FNBP1L: variants seen among roughly 807,000 people sequenced by gnomAD.
FNBP1L encodes formin-binding protein 1-like.
A neutral mutation model predicts 91.2 loss-of-function variants in FNBP1L; 36 were observed. That is an observed-to-expected ratio of 0.39 (90% CI 0.30 to 0.52). The LOEUF is 0.52. Among genes scored for constraint, FNBP1L ranks in the 20% least tolerant of loss-of-function variants. FNBP1L has a pLI of 0.66. For missense variants in FNBP1L, 571 were observed against 732.1 expected, an observed-to-expected ratio of 0.78 and a Z score of 2.54; for synonymous variants, 242 against 237.0, an observed-to-expected ratio of 1.02 and a Z score of -0.19.
chr1:93,536,400 C>G lies in FNBP1L; in HGVS notation c.1059C>G (p.Leu353=), dbSNP rs1570861907. The change falls in exon 10 of 17, where the codon CTC becomes CTG. Residue 353 remains leucine, a synonymous_variant. Transcript: ENST00000271234. ...GTACTCCTAATGGGTCCCAGTTTCT[C>G]ACATTCTCCATTGAGCCCGTGCATT... The part of the protein sequence containing the change: ...TSSTPNGSQF[L]TFSIEPVHYC... The G allele has an allele frequency of 6.4e-7, 1 of 1,550,924 alleles. No individual in the cohort carries two copies. The highest frequency in any genetic ancestry group is 8.7e-7 in the Non-Finnish European group (1 of 1,146,424).
chr1:93,523,148 T>C (rs1181602031), intron 3 of FNBP1L, among the ~76,000 whole-genome samples, 196 bp from the exon 4 acceptor site: 4 of 152,206 alleles, frequency 2.6e-5, no homozygotes. Context: ...AATGAAAGAC[T>C]ACTTGAAGAT....
At chr1:93,543,998 T>A in intron 11 of FNBP1L, 109 bp from the exon 12 acceptor site, 3 of 725,666 alleles carry the variant, frequency 4.1e-6, no homozygotes, top group Admixed American at 3.7e-5. Flanking sequence ...TTGAGGCAAA[T>A]TTGAAATTAA....
chr1:93,531,305 TATC>T (rs1004067626), intron 7 of FNBP1L, among the ~76,000 whole-genome samples: 3 of 152,238 alleles, frequency 2.0e-5, no homozygotes, highest in African/African-American at 7.2e-5. Flanking sequence ...TTTGCCTGCT[TATC>T]ATGCTGGCTC....
chr1:93,478,190 G>C (rs1022834627), intron 1 of FNBP1L, among the ~76,000 whole-genome samples: 1 of 152,168 alleles, frequency 6.6e-6, no homozygotes, highest in African/African-American at 2.4e-5. Context: ...TTGAAGTGAG[G>C]CTCAGCATGG....
chr1:93,456,793 C>T (rs989511726), intron 1 of FNBP1L, among the ~76,000 whole-genome samples: 4 of 151,184 alleles, frequency 2.6e-5, no homozygotes, highest in Non-Finnish European at 4.4e-5. Flanking sequence ...AAAAAAAAAT[C>T]GTTGCTTTTG....
chr1:93,448,222 G>A lies in FNBP1L; in HGVS notation c.-60G>A, dbSNP rs1668334601. The A allele has an allele frequency of 6.6e-7, 1 of 1,518,222 alleles. No homozygotes were observed. The highest frequency in any genetic ancestry group is 8.8e-7 in the Non-Finnish European group (1 of 1,132,626). 94.0% of individuals were successfully genotyped at this position (1,518,222 alleles called of 1,614,324 possible). On this transcript the variant is annotated 5_prime_UTR_variant, in exon 1 of 17. Transcript: ENST00000271234. The stretch of plus-strand genomic sequence containing the variant: ...CGGCCAGCGAGTGAGAGGTCGGACA[G>A]ACTGTGGAGCCGACAGACTGAAGGA...
chr1:93,547,039 G>A (rs1672265688), intron 13 of FNBP1L, 65 bp downstream of exon 13: 1 of 1,477,040 alleles, frequency 6.8e-7, no homozygotes, highest in Non-Finnish European at 9.1e-7. Context: ...TGATAGATTG[G>A]TTTTTGTTAG....
Position 93,529,839 on chromosome 1 carries a change from A to G in FNBP1L, c.510+83A>G, listed in dbSNP as rs1393400548. 2.3e-5 allele frequency: 18 copies of G among 797,272 alleles called. 1 individual carries two copies. In the South Asian group the frequency reaches 2.6e-4, roughly 11 times the overall value. The allele number at this position is 797,272 out of a possible 1,614,324, so 49.4% of individuals were successfully genotyped here. A position where few individuals can be genotyped will look rare whatever the true frequency, so the allele number is the denominator to read the frequency against. The stretch of plus-strand genomic sequence containing the variant: ...GTAGTCACGACATTTGTATGACTAC[A>G]GTATTAGGATTTACTTGAGATACAC... On this transcript the variant is annotated intron_variant, in intron 6 of 16. Transcript: ENST00000271234.
intron 15 of FNBP1L, 44 bp from the exon 16 acceptor site, chr1:93,550,903 A>T: frequency 1.4e-6 from 2 of 1,468,272 alleles, no homozygotes; most frequent in East Asian, 2.3e-5. Context: ...TTTAAAAAAA[A>T]TTATCACAAT....
At chr1:93,501,558 C>T (rs1300407602) in intron 2 of FNBP1L, among the ~76,000 whole-genome samples, 1 of 152,146 alleles carries the variant, frequency 6.6e-6, no homozygotes, top group African/African-American at 2.4e-5. Flanking sequence ...CACCAAACCA[C>T]TATCCATGAG....
intron 11 of FNBP1L, among the ~76,000 whole-genome samples, chr1:93,541,847 G>A (rs915783780): frequency 5.9e-5 from 9 of 152,106 alleles, no homozygotes; most frequent in Admixed American, 1.3e-4. Context: ...CATATTCTAT[G>A]TAAGAATAGA....
At chr1:93,473,757 G>C (rs1669389511) in intron 1 of FNBP1L, among the ~76,000 whole-genome samples, 1 of 152,284 alleles carries the variant, frequency 6.6e-6, no homozygotes, top group Non-Finnish European at 1.5e-5. Context: ...TTTTATAAAG[G>C]TGTGGGCCTG....
intron 1 of FNBP1L, among the ~76,000 whole-genome samples, chr1:93,460,944 T>G (rs1257177734): frequency 6.6e-6 from 1 of 152,220 alleles, no homozygotes; most frequent in African/African-American, 2.4e-5. Context: ...TTTTTACTTG[T>G]CAATTAAAAA....
At chr1:93,507,058 C>CG (rs1670642601) in intron 2 of FNBP1L, among the ~76,000 whole-genome samples, 2 of 19,424 alleles carry the variant, frequency 1.0e-4, no homozygotes, top group African/African-American at 1.3e-4. Flanking sequence ...AAACATGGAA[C>CG]ACACACACAC....
intron 5 of FNBP1L, among the ~76,000 whole-genome samples, chr1:93,526,411 A>G (rs1671496992): frequency 6.6e-6 from 1 of 152,188 alleles, no homozygotes; most frequent in Non-Finnish European, 1.5e-5. Flanking sequence ...CAGTAGGCTT[A>G]AAGAGCTAAA....
At chr1:93,474,154 G>C (rs1384376185) in intron 1 of FNBP1L, among the ~76,000 whole-genome samples, 1 of 152,186 alleles carries the variant, frequency 6.6e-6, no homozygotes, top group African/African-American at 2.4e-5. Flanking sequence ...GGAGACAGGA[G>C]AATTGCTTGA....
At chr1:93,462,198 C>T (rs1433686297) in intron 1 of FNBP1L, among the ~76,000 whole-genome samples, 1 of 152,132 alleles carries the variant, frequency 6.6e-6, no homozygotes, top group East Asian at 1.9e-4. Flanking sequence ...ATATTTAACC[C>T]AAATCTCTTA....
intron 1 of FNBP1L, among the ~76,000 whole-genome samples, chr1:93,458,361 C>T (rs1668745754): frequency 6.6e-6 from 1 of 151,986 alleles, no homozygotes; most frequent in Non-Finnish European, 1.5e-5. Context: ...AACTTCTAGG[C>T]CCAAGTGATC....
chr1:93,530,979 C>A, intron 7 of FNBP1L, 96 bp downstream of exon 7: 1 of 994,624 alleles, frequency 1.0e-6, no homozygotes, highest in Non-Finnish European at 1.4e-6. Context: ...TCTAGATTCA[C>A]TAGACATCAG....
Sources: gnomAD v4.1 joint callset for allele counts (sites outside exome capture counted in the v4.1 genomes callset) on GRCh38, gnomAD v4.1.1 for gene constraint, MANE v1.5 for transcripts, NCBI Gene and HGNC (gene_info 2026-07-23, HGNC 2026-07-21) for gene names.